The following PRKCB variants were observed in gnomAD, a reference collection of about 807,000 sequenced individuals.
The protein encoded by PRKCB is protein kinase C beta type.
PRKCB carries 13 observed loss-of-function variants against 81.5 expected under a neutral mutation model. The ratio of observed to expected loss-of-function variants is 0.16; its 90% CI spans 0.10 to 0.25. The LOEUF is 0.25. Ranked by LOEUF, PRKCB falls within the 10% of genes least tolerant of loss-of-function variation. The pLI, the probability that PRKCB is intolerant of heterozygous loss-of-function variation, is 1.00. For synonymous variants in PRKCB, 335 were observed against 321.4 expected (o/e 1.04, Z -0.45); for missense variants, 509 against 875.7 (o/e 0.58, Z 5.29).
At chr16:23,875,140 G>T (rs536633731) in intron 2 of PRKCB, among the ~76,000 whole-genome samples, 1 of 150,624 alleles carries the variant, frequency 6.6e-6, no homozygotes, top group Admixed American at 6.6e-5. Context: ...GGGCTTAAGC[G>T]ATCCTCCTGC....
intron 5 of PRKCB, among the ~76,000 whole-genome samples, chr16:24,038,314 A>G (rs1261485715): frequency 1.3e-5 from 2 of 152,274 alleles, no homozygotes; most frequent in Admixed American, 1.3e-4. Context: ...AGCCTGGCCA[A>G]CATAGTGAGA....
intron 16 of PRKCB, among the ~76,000 whole-genome samples, chr16:24,193,462 A>C (rs1967826773): frequency 1.1e-5 from 1 of 91,254 alleles, no homozygotes; most frequent in South Asian, 3.4e-4. Context: ...TAAATAAATA[A>C]ATAAATAAAT....
At chr16:23,954,713 T>C (rs1964326695) in intron 2 of PRKCB, among the ~76,000 whole-genome samples, 2 of 152,216 alleles carry the variant, frequency 1.3e-5, no homozygotes, top group African/African-American at 4.8e-5. Context: ...TTTCCCCATC[T>C]GAAGTTGGGA....
intron 8 of PRKCB, among the ~76,000 whole-genome samples, chr16:24,113,349 C>A (rs1471333041): frequency 7.5e-6 from 1 of 134,110 alleles, no homozygotes; most frequent in African/African-American, 3.7e-5. Context: ...TTTCTTTACC[C>A]CCCTTTTCTT....
chr16:24,123,985 T>C lies in PRKCB; in HGVS notation c.1065+4T>C, dbSNP rs767062481. 1 of 1,614,034 alleles carries C rather than the reference T, an allele frequency of 6.2e-7. No individual in the cohort carries two copies. The highest frequency in any genetic ancestry group is 1.1e-5 in the South Asian group (1 of 91,058). On this transcript the variant is annotated splice_donor_region_variant and intron_variant, in intron 9 of 16. Transcript: ENST00000643927. ...GGGGAAAGGCAGCTTTGGCAAGGTA[T>C]GGTATGATTTGGTGGCTCCACCTGC... is the stretch of plus-strand genomic sequence containing the variant.
At chr16:23,993,816 T>C (rs890997815) in intron 3 of PRKCB, among the ~76,000 whole-genome samples, 1 of 152,198 alleles carries the variant, frequency 6.6e-6, no homozygotes, top group Non-Finnish European at 1.5e-5. Flanking sequence ...TGCAGACCTA[T>C]GGCACTGCCT....
At chr16:23,845,677 G>A (rs1036487258) in intron 2 of PRKCB, among the ~76,000 whole-genome samples, 18 of 152,290 alleles carry the variant, frequency 1.2e-4, no homozygotes, top group East Asian at 5.8e-4. Context: ...TGGAGAAACC[G>A]TAAATATTTA....
chr16:24,163,353 G>A (rs1967294529), intron 10 of PRKCB, among the ~76,000 whole-genome samples: 1 of 152,196 alleles, frequency 6.6e-6, no homozygotes, highest in African/African-American at 2.4e-5. Flanking sequence ...CTTGGCAGGT[G>A]TTAGTGCTTT....
intron 7 of PRKCB, among the ~76,000 whole-genome samples, chr16:24,095,639 T>C (rs950259122): frequency 1.3e-5 from 2 of 152,210 alleles, no homozygotes; most frequent in East Asian, 3.9e-4. Flanking sequence ...TTCATTCTCC[T>C]AACTTGGCAA....
intron 2 of PRKCB, among the ~76,000 whole-genome samples, chr16:23,882,021 T>TTCTTTCTTCCTTCCTTCCTTC (rs1555481692): frequency 3.6e-5 from 2 of 55,636 alleles, no homozygotes; most frequent in African/African-American, 5.9e-5. Flanking sequence ...TTTCTTTCTT[T>TTCTTTCTTCCTTCCTTCCTTC]CTTCCTTCCT....
At chr16:24,017,111 A>G (rs1337223187) in intron 3 of PRKCB, among the ~76,000 whole-genome samples, 3 of 152,214 alleles carry the variant, frequency 2.0e-5, no homozygotes, top group Non-Finnish European at 4.4e-5. Flanking sequence ...CAGTGGGTAT[A>G]AAGGTGTGTG....
intron 2 of PRKCB, among the ~76,000 whole-genome samples, chr16:23,842,095 AAAGG>A (rs931547749): frequency 6.6e-6 from 1 of 152,072 alleles, no homozygotes; most frequent in African/African-American, 2.4e-5. Context: ...TTGTTTTTGT[AAAGG>A]AAGTGACTTT....
At chr16:23,881,149 G>T (rs923666788) in intron 2 of PRKCB, among the ~76,000 whole-genome samples, 3 of 151,954 alleles carry the variant, frequency 2.0e-5, no homozygotes, top group African/African-American at 7.3e-5. Flanking sequence ...GCTCCTGGGG[G>T]CCCAGGCCCA....
chr16:23,933,805 T>C (rs149558813), intron 2 of PRKCB, among the ~76,000 whole-genome samples: 13 of 139,840 alleles, frequency 9.3e-5, no homozygotes, highest in Non-Finnish European at 1.6e-4. Flanking sequence ...CATCCATCCA[T>C]CCACCCATCC....
At chr16:23,979,876 G>A (rs1964672637) in intron 2 of PRKCB, among the ~76,000 whole-genome samples, 1 of 152,154 alleles carries the variant, frequency 6.6e-6, no homozygotes, top group Non-Finnish European at 1.5e-5. Context: ...TTGAGGTCAG[G>A]AGTTTGAGAC....
chr16:24,129,855 C>T (rs1213061025), intron 9 of PRKCB, among the ~76,000 whole-genome samples: 3 of 152,038 alleles, frequency 2.0e-5, no homozygotes, highest in African/African-American at 7.2e-5. Flanking sequence ...ACTCATGGTC[C>T]CTGCTTTCAT....
At chr16:23,996,535 A>C (rs907425766) in intron 3 of PRKCB, among the ~76,000 whole-genome samples, 2 of 152,228 alleles carry the variant, frequency 1.3e-5, no homozygotes, top group African/African-American at 4.8e-5. Flanking sequence ...GACCCCTTCC[A>C]TTATGGAAGA....
chr16:24,129,605 CCAT>C (rs1161652226), intron 9 of PRKCB, among the ~76,000 whole-genome samples: 1 of 151,804 alleles, frequency 6.6e-6, no homozygotes, highest in Admixed American at 6.6e-5. Context: ...ATCTATCTAC[CCAT>C]CATCTATCTA....
intron 2 of PRKCB, among the ~76,000 whole-genome samples, chr16:23,919,648 A>G (rs1963794885): frequency 6.6e-6 from 1 of 152,170 alleles, no homozygotes; most frequent in Admixed American, 6.5e-5. Context: ...CTCAAACTCA[A>G]AACTCAACAA....
Sources: gnomAD v4.1 joint callset for allele counts (sites outside exome capture counted in the v4.1 genomes callset) on GRCh38, gnomAD v4.1.1 for gene constraint, MANE v1.5 for transcripts, NCBI Gene and HGNC (gene_info 2026-07-23, HGNC 2026-07-21) for gene names.